Variants in TLE3 observed in about 807,000 individuals in gnomAD.
The protein encoded by TLE3 is transducin-like enhancer protein 3.
A neutral mutation model predicts 93.0 loss-of-function variants in TLE3; 14 were observed. That is an observed-to-expected ratio of 0.15 (90% CI 0.10 to 0.24). The LOEUF (loss-of-function observed/expected upper bound fraction) is 0.24. TLE3 is among the 10% of genes least tolerant of loss of function. TLE3 has a pLI of 1.00. For synonymous variants in TLE3, 451 were observed against 425.0 expected (o/e 1.06, Z -0.75); for missense variants, 693 against 1,046.6 (o/e 0.66, Z 4.66).
At position 70,055,061 on chromosome 15, in the gene TLE3, C is replaced by T; in HGVS notation, c.1566G>A (p.Gln522=). The T allele has an allele frequency of 6.2e-7, 1 of 1,611,112 alleles. No homozygotes were observed. The highest frequency in any genetic ancestry group is 8.5e-7 in the Non-Finnish European group (1 of 1,178,662). The change falls in exon 15 of 20, where the codon CAG becomes CAA. Residue 522 remains glutamine, a synonymous_variant. Coordinates refer to ENST00000451782, the MANE Select transcript of TLE3 (RefSeq NM_001105192.3). ...SQPGSKSPIS[Q]LDCLNRDNYI... Reference sequence around the variant, plus strand: ...CTGGGATTCTCACCAGGCAGTCCAGCTGGGAGATGGGGCTCTTGCTGCCTG... The same window carrying T: ...CTGGGATTCTCACCAGGCAGTCCAGTTGGGAGATGGGGCTCTTGCTGCCTG...
Position 70,066,027 on chromosome 15 carries a change from T to C in TLE3, c.564A>G (p.Glu188=). ...GCCCAGCCGCACCTCTGTGATCGAG[T>C]TCATGGTGGTTCTTCTCATCCTTCA... ...LTVKDEKNHH[E]LDHRERESSA... is the part of the protein sequence containing the mutation. The change falls in exon 7 of 20, where the codon GAA becomes GAG. Residue 188 remains glutamate, a synonymous_variant. Transcript: ENST00000451782. 6.4e-7 allele frequency: 1 copy of C among 1,566,956 alleles called. No homozygotes were observed. Among genetic ancestry groups the C allele is most frequent in the Non-Finnish European group, 8.7e-7 (1 of 1,153,130 alleles).
At chr15:70,064,565 G>T in intron 7 of TLE3, 95 bp from the exon 8 acceptor site, 1 of 1,555,256 alleles carries the variant, frequency 6.4e-7, no homozygotes, top group Non-Finnish European at 8.8e-7. Flanking sequence ...AGTCCAGCTG[G>T]CTTTTGTGAT....
intron 6 of TLE3, among the ~76,000 whole-genome samples, chr15:70,069,088 T>C (rs536263990): frequency 2.0e-5 from 3 of 152,344 alleles, no homozygotes; most frequent in African/African-American, 4.8e-5. Context: ...TGTGCACTGC[T>C]TGGCAACCTG....
At position 70,097,604 on chromosome 15, in the gene TLE3, G is replaced by A. The variant is rs2058622190; in HGVS notation, c.-806C>T. On this transcript the variant is annotated 5_prime_UTR_variant, in exon 1 of 20. Transcript: ENST00000451782. Reference sequence around the variant, plus strand: ...TCTCGCTGCTCCCAGCTTGAGCACCGCGTCCCCACCGAGGAGCGCTCAGCG... The same window carrying A: ...TCTCGCTGCTCCCAGCTTGAGCACCACGTCCCCACCGAGGAGCGCTCAGCG... 7.5e-6 allele frequency: 3 copies of A among 398,496 alleles called. No individual in the cohort carries two copies. The highest frequency in any genetic ancestry group is 4.4e-5 in the Admixed American group (1 of 22,732). The allele number at this position is 398,496 out of a possible 1,614,324, so 24.7% of individuals were successfully genotyped here.
At position 70,057,625 on chromosome 15, in the gene TLE3, C is replaced by T; in HGVS notation, c.1085G>A (p.Ser362Asn). The change falls in exon 13 of 20, where the codon AGC (serine) becomes AAC (asparagine). Residue 362 changes from serine (S) to asparagine (N), a missense_variant. Transcript: ENST00000451782. ...SALRTPISIT[S>N]SYAAPFAMMS... ...CATGGCGAAGGGCGCCGCATAGGAG[C>T]TGGTGATGGAGATGGGCGTGCGCAG... 7.6e-6 allele frequency: 12 copies of T among 1,586,744 alleles called. No individual in the cohort carries two copies. Among genetic ancestry groups the T allele is most frequent in the Non-Finnish European group, 9.4e-6 (11 of 1,169,748 alleles).
chr15:70,065,977 C>CAGGCCCCCCCCCCCCCCA, intron 7 of TLE3, 37 bp downstream of exon 7: 1 of 1,332,294 alleles, frequency 7.5e-7, no homozygotes, highest in Non-Finnish European at 1.1e-6. Context: ...ATGCCCACCC[C>CAGGCCCCCCCCCCCCCCA]TGCCCCGCCC....
At position 70,051,382 on chromosome 15, in the gene TLE3, G is replaced by A. The variant is rs1338017119; in HGVS notation, c.2202+9C>T. ...GAACCCAGAGGAGGACTCAGACGGT[G>A]GGCAGTACCTGGAATATGCTGGCTC... On this transcript the variant is annotated intron_variant, in intron 19 of 19. Coordinates refer to ENST00000451782, the MANE Select transcript of TLE3 (RefSeq NM_001105192.3). The A allele has an allele frequency of 3.1e-6, 5 of 1,603,508 alleles. No homozygotes were observed. The highest frequency in any genetic ancestry group is 4.3e-6 in the Non-Finnish European group (5 of 1,174,718).
intron 4 of TLE3, among the ~76,000 whole-genome samples, chr15:70,084,368 C>A (rs1342384209): frequency 6.6e-6 from 1 of 152,218 alleles, no homozygotes; most frequent in Admixed American, 6.5e-5. Context: ...ACATCCTAAA[C>A]ACAGAGGACA....
Position 70,058,497 on chromosome 15 carries a change from A to T in TLE3, c.918+166T>A. On this transcript the variant is annotated intron_variant, in intron 11 of 19. Coordinates refer to ENST00000451782, the MANE Select transcript of TLE3 (RefSeq NM_001105192.3). This position sits in a 1 kb window ranked among gnomAD's most constrained non-coding sequence, Gnocchi z 4.1. ...TTTACAGACGTAGCAACCGAGGCTC[A>T]GAAACGTTAACTCATTAGCACAGGC... is the stretch of plus-strand genomic sequence containing the variant. The T allele has an allele frequency of 7.8e-7, 1 of 1,290,134 alleles. No homozygotes were observed. Among genetic ancestry groups the T allele is most frequent in the Non-Finnish European group, 1.0e-6 (1 of 956,624 alleles). 79.9% of individuals were successfully genotyped at this position (1,290,134 alleles called of 1,614,324 possible).
chr15:70,049,918 G>C lies in TLE3; in HGVS notation c.*179C>G. On this transcript the variant is annotated 3_prime_UTR_variant, in exon 20 of 20. Coordinates refer to ENST00000451782, the MANE Select transcript of TLE3 (RefSeq NM_001105192.3). ...GAGTCTGTGAGACACATCAATCCAG[G>C]CCCAGGAGTCCAGACTGTGACGGGG... 1.7e-6 allele frequency: 1 copy of C among 584,370 alleles called. No individual in the cohort carries two copies. The highest frequency in any genetic ancestry group is 3.1e-6 in the Non-Finnish European group (1 of 325,482). 36.2% of individuals were successfully genotyped at this position (584,370 alleles called of 1,614,324 possible). A position where few individuals can be genotyped will look rare whatever the true frequency, so the allele number is the denominator to read the frequency against.
intron 16 of TLE3, 107 bp downstream of exon 16, chr15:70,054,331 A>G: frequency 6.7e-7 from 1 of 1,492,050 alleles, no homozygotes; most frequent in Non-Finnish European, 9.0e-7. Flanking sequence ...GGTTCTGGCC[A>G]CCCCACAGTG....
At chr15:70,096,579 G>A in intron 1 of TLE3, 196 bp downstream of exon 1, 4 of 1,510,994 alleles carry the variant, frequency 2.6e-6, no homozygotes, top group South Asian at 2.4e-5. Context: ...AACACAAGCA[G>A]CCCCCCGCGC....
At position 70,094,730 on chromosome 15, in the gene TLE3, CG is replaced by C. The variant is rs778997944; in HGVS notation, c.190-155del. On this transcript the variant is annotated intron_variant, in intron 3 of 19. Coordinates refer to ENST00000451782, the MANE Select transcript of TLE3 (RefSeq NM_001105192.3). Reference sequence around the variant, plus strand: ...CAAACCCCAAAGCCAGCTTACAGAGCGGTTTAAGAGCTGACAAGGGCGAGCG... The same window carrying C: ...CAAACCCCAAAGCCAGCTTACAGAGCGTTTAAGAGCTGACAAGGGCGAGCG... 5.1e-5 allele frequency: 32 copies of C among 624,394 alleles called. No individual in the cohort carries two copies. The East Asian group carries it at 8.1e-4, about 16-fold the overall frequency. 38.7% of individuals were successfully genotyped at this position (624,394 alleles called of 1,614,324 possible).
intron 6 of TLE3, among the ~76,000 whole-genome samples, chr15:70,072,549 A>T (rs372159906): frequency 2.0e-5 from 3 of 152,216 alleles, no homozygotes; most frequent in East Asian, 3.9e-4. Context: ...GAGACAGATG[A>T]CACAGGCCAC....
intron 13 of TLE3, among the ~76,000 whole-genome samples, chr15:70,057,164 C>T (rs753440810): frequency 1.2e-4 from 18 of 152,236 alleles, no homozygotes; most frequent in Non-Finnish European, 2.1e-4. Flanking sequence ...TCCTACCCCC[C>T]AGAGCTGGGA....
intron 7 of TLE3, 22 bp downstream of exon 7, chr15:70,065,992 C>CACA: frequency 1.3e-6 from 2 of 1,593,712 alleles, no homozygotes; most frequent in Non-Finnish European, 1.7e-6. Flanking sequence ...CCGCCCCACC[C>CACA]TCTGCCCCAG....
At chr15:70,063,656 G>A (rs2056637793) in intron 8 of TLE3, among the ~76,000 whole-genome samples, 1 of 152,366 alleles carries the variant, frequency 6.6e-6, no homozygotes, top group Non-Finnish European at 1.5e-5. Context: ...GGACAGCGAT[G>A]AGGAATAAAA....
Position 70,097,463 on chromosome 15 carries a change from G to T in TLE3, c.-665C>A. On this transcript the variant is annotated 5_prime_UTR_variant, in exon 1 of 20. Transcript: ENST00000451782. Reference sequence around the variant, plus strand: ...GTCTGCTACTGCCGCTGCCGCCGCCGCCGCCGCCGCTGCAAGCCCTTCCCA... The same window carrying T: ...GTCTGCTACTGCCGCTGCCGCCGCCTCCGCCGCCGCTGCAAGCCCTTCCCA... The T allele has an allele frequency of 2.4e-6, 1 of 416,930 alleles. No individual in the cohort carries two copies. The highest frequency in any genetic ancestry group is 4.2e-6 in the Non-Finnish European group (1 of 237,980). The allele number at this position is 416,930 out of a possible 1,614,324, so 25.8% of individuals were successfully genotyped here. A position where few individuals can be genotyped will look rare whatever the true frequency, so the allele number is the denominator to read the frequency against.
Position 70,095,625 on chromosome 15 carries a change from C to T in TLE3, c.142G>A (p.Asp48Asn). 1.9e-6 allele frequency: 3 copies of T among 1,551,572 alleles called. No homozygotes were observed. Among genetic ancestry groups the T allele is most frequent in the Non-Finnish European group, 2.6e-6 (3 of 1,146,928 alleles). The change falls in exon 3 of 20, where the codon GAC becomes AAC. Residue 48 changes from aspartate to asparagine, a missense_variant. Asp to Asn is a conservative substitution (Grantham distance 23). Coordinates refer to ENST00000451782, the MANE Select transcript of TLE3 (RefSeq NM_001105192.3). ...TCCGTCTTCTCGTTTGCCAGCTTGT[C>T]GTACTCCACTTTGAGGCTGCGAGGG... ...AQYHSLKVEY[D>N]KLANEKTEMQ...
Sources: gnomAD v4.1 joint callset for allele counts (sites outside exome capture counted in the v4.1 genomes callset) on GRCh38, gnomAD v4.1.1 for gene constraint, Gnocchi (gnomAD v3.1) non-coding constraint, MANE v1.5 for transcripts, NCBI Gene and HGNC (gene_info 2026-07-23, HGNC 2026-07-21) for gene names.